Variants in ECE1 observed in about 807,000 individuals in gnomAD.
The protein encoded by ECE1 is endothelin converting enzyme 1.
Under a neutral mutation model 98.6 loss-of-function variants are expected in ECE1, and 35 were observed. That is an observed-to-expected ratio of 0.35 (90% confidence interval 0.27 to 0.47). ECE1 has a LOEUF of 0.47. Ranked by LOEUF, ECE1 falls within the 20% of genes least tolerant of loss-of-function variation. The pLI, the probability that ECE1 is intolerant of heterozygous loss-of-function variation, is 1.00. For missense variants in ECE1, 814 were observed against 1,025.3 expected, an observed-to-expected ratio of 0.79 and a Z score of 2.81; for synonymous variants, 394 against 407.1, an observed-to-expected ratio of 0.97 and a Z score of 0.39.
At chr1:21,221,376 G>A (rs1456132731) in intron 18 of ECE1, among the ~76,000 whole-genome samples, 1 of 151,984 alleles carries the variant, frequency 6.6e-6, no homozygotes, top group Non-Finnish European at 1.5e-5. Context: ...TTCACTATGT[G>A]GACTAGGCTG....
chr1:21,300,223 G>A (rs1183222933), intron 1 of ECE1, among the ~76,000 whole-genome samples: 1 of 152,248 alleles, frequency 6.6e-6, no homozygotes, highest in Non-Finnish European at 1.5e-5. Context: ...CATTCCAGCT[G>A]GACAACAGTA....
At chr1:21,323,632 AAAAATAAAATAAAAT>A (rs58201460) in intron 1 of ECE1, among the ~76,000 whole-genome samples, 3 of 149,420 alleles carry the variant, frequency 2.0e-5, no homozygotes, top group African/African-American at 7.5e-5. Flanking sequence ...CCAAAAAACT[AAAAATAAAATAAAAT>A]AAAATAAAAT....
At chr1:21,246,364 T>C (rs1325377179) in intron 9 of ECE1, among the ~76,000 whole-genome samples, 1 of 151,730 alleles carries the variant, frequency 6.6e-6, no homozygotes, top group African/African-American at 2.4e-5. Flanking sequence ...GCCGGTGTGG[T>C]GGCAGGCGCC....
chr1:21,233,386 G>C lies in ECE1; in HGVS notation c.1670+172C>G. The C allele has an allele frequency of 1.7e-6, 1 of 597,228 alleles. No homozygotes were observed. Among genetic ancestry groups the C allele is most frequent in the Non-Finnish European group, 2.9e-6 (1 of 339,896 alleles). 37.0% of individuals were successfully genotyped at this position (597,228 alleles called of 1,614,324 possible). The stretch of plus-strand genomic sequence containing the variant: ...CTCCTAGCTGGGCCATACTTCTTTT[G>C]CCCTTGGTTTCTTCATCTGAAAAGT... On this transcript the variant is annotated intron_variant, in intron 14 of 18. Transcript: ENST00000374893. The surrounding 1 kb of genome is among the most constrained non-coding windows in gnomAD (Gnocchi z 4.0).
At chr1:21,262,556 G>C (rs765928030) in intron 4 of ECE1, among the ~76,000 whole-genome samples, 1 of 152,220 alleles carries the variant, frequency 6.6e-6, no homozygotes, top group Non-Finnish European at 1.5e-5. Context: ...CCAGCGCTGG[G>C]GAAGGCACTC....
In ECE1 at chr1:21,220,569, G is replaced by A. The variant is rs773128465; in HGVS notation, c.2137-438C>T. On this transcript the variant is annotated intron_variant, in intron 18 of 18. Transcript: ENST00000374893. This position sits in a 1 kb window ranked among gnomAD's most constrained non-coding sequence, Gnocchi z 5.0. ...CAGCACTTTAAGAGGCCAAGGTGGC[G>A]GTGGATCACTTGAGGCCAGGAGTTC... Among the ~76,000 whole-genome samples the A allele has an allele frequency of 5.9e-5, 9 of 152,076 alleles. No homozygotes were observed. Among genetic ancestry groups the A allele is most frequent in the Non-Finnish European group, 7.4e-5 (5 of 68,002 alleles).
chr1:21,317,349 C>A (rs972754377), intron 1 of ECE1, among the ~76,000 whole-genome samples: 3 of 152,180 alleles, frequency 2.0e-5, no homozygotes, highest in African/African-American at 7.2e-5. Context: ...GGCCTGGCAT[C>A]CGGTGGCTGC....
chr1:21,291,434 A>C (rs981082366), upstream of ECE1, among the ~76,000 whole-genome samples: 1 of 152,248 alleles, frequency 6.6e-6, no homozygotes, highest in African/African-American at 2.4e-5. Flanking sequence ...CTGACGTCAC[A>C]GGGACAGTGA....
intron 10 of ECE1, among the ~76,000 whole-genome samples, chr1:21,241,519 T>G (rs1417815045): frequency 7.0e-6 from 1 of 142,224 alleles, no homozygotes; most frequent in Non-Finnish European, 1.5e-5. Flanking sequence ...GCTTCCTAGG[T>G]TCAAGCAATT....
intron 17 of ECE1, 101 bp from the exon 18 acceptor site, chr1:21,221,943 G>A (rs911272956): frequency 9.4e-7 from 1 of 1,058,728 alleles, no homozygotes; most frequent in Non-Finnish European, 1.5e-6. Context: ...TTGGGGCAAG[G>A]ACTAGTTTCT....
At chr1:21,333,397 T>C (rs1195306187) in intron 1 of ECE1, among the ~76,000 whole-genome samples, 1 of 151,952 alleles carries the variant, frequency 6.6e-6, no homozygotes, top group African/African-American at 2.4e-5. Flanking sequence ...TCAAATATAG[T>C]GGGGAAATAA....
chr1:21,277,478 G>A (rs1018697285), intron 3 of ECE1, among the ~76,000 whole-genome samples: 2 of 152,170 alleles, frequency 1.3e-5, no homozygotes, highest in African/African-American at 2.4e-5. Context: ...TGACCAGGAG[G>A]GGGTTCAGAA....
chr1:21,255,801 A>G, intron 8 of ECE1, 146 bp downstream of exon 8: 1 of 897,002 alleles, frequency 1.1e-6, no homozygotes, highest in Non-Finnish European at 1.7e-6. Context: ...CAGTTTTTCC[A>G]TCTGTGGACT....
chr1:21,286,278 G>A (rs995031025), intron 2 of ECE1, among the ~76,000 whole-genome samples: 1 of 152,130 alleles, frequency 6.6e-6, no homozygotes, highest in African/African-American at 2.4e-5. Context: ...AGAGCAAGAG[G>A]CTTCAGAGCA....
intron 1 of ECE1, among the ~76,000 whole-genome samples, chr1:21,324,438 T>G (rs1569761196): frequency 6.6e-6 from 1 of 152,134 alleles, no homozygotes; most frequent in Non-Finnish European, 1.5e-5. Context: ...CCAGGGAGAC[T>G]CCAACGGCTG....
At chr1:21,330,338 T>C (rs1412853369) in intron 1 of ECE1, among the ~76,000 whole-genome samples, 1 of 147,582 alleles carries the variant, frequency 6.8e-6, no homozygotes, top group Non-Finnish European at 1.5e-5. Context: ...CGGGTTCAAG[T>C]GATTCTCAGC....
At chr1:21,280,330 C>A (rs1354969257) in intron 2 of ECE1, among the ~76,000 whole-genome samples, 1 of 152,140 alleles carries the variant, frequency 6.6e-6, no homozygotes, top group Non-Finnish European at 1.5e-5. Flanking sequence ...CAGGGCCATG[C>A]TGGAAATACA....
rs78712963 is a variant in ECE1 at position 21,337,155 on chromosome 1, C to A, written c.3+8221G>T. Among the ~76,000 whole-genome samples, 1,421 of 152,286 alleles carry A rather than the reference C, an allele frequency of 9.3e-3. 16 individuals carry two copies. The highest frequency in any genetic ancestry group is 0.031 in the African/African-American group (1,308 of 41,534). On this transcript the variant is annotated intron_variant, in intron 1 of 18. Coordinates refer to the ECE1 transcript ENST00000415912. ...GCTGAGGTCTGCAAAGAGTTACATA[C>A]GAGAATGTCACAGCAGCCTCAAGCT... is the stretch of plus-strand genomic sequence containing the variant.
At chr1:21,291,655 A>G (rs913846677), upstream of ECE1, among the ~76,000 whole-genome samples, 2 of 152,096 alleles carry the variant, frequency 1.3e-5, no homozygotes, top group South Asian at 4.1e-4. Context: ...ATGAAACCCC[A>G]TCTCTACTAA....
Sources: allele counts gnomAD v4.1 joint callset (sites outside exome capture counted in the v4.1 genomes callset), GRCh38; gene constraint gnomAD v4.1.1; non-coding constraint Gnocchi (gnomAD v3.1); transcripts MANE v1.5; gene names NCBI Gene and HGNC (gene_info 2026-07-23, HGNC 2026-07-21).